Variants in CLEC16A observed in about 807,000 individuals in gnomAD.
CLEC16A encodes the protein C-type lectin domain containing 16A, also known as protein CLEC16A.
A neutral mutation model predicts 109.5 loss-of-function variants in CLEC16A; 51 were observed. The ratio of observed to expected loss-of-function variants is 0.47; its 90% CI spans 0.37 to 0.59. The LOEUF (loss-of-function observed/expected upper bound fraction) is 0.59. CLEC16A is among the 20% of genes least tolerant of loss of function. The pLI, the probability that CLEC16A is intolerant of heterozygous loss-of-function variation, is 0.00. For synonymous variants in CLEC16A, 673 were observed against 564.2 expected (o/e 1.19, Z -2.73); for missense variants, 1,339 against 1,394.0 (o/e 0.96, Z 0.63).
chr16:11,042,008 C>T (rs2047362682), intron 14 of CLEC16A: 4 of 477,774 alleles, frequency 8.4e-6, no homozygotes, highest in East Asian at 3.6e-5. Flanking sequence ...TTTTCCTGCA[C>T]CCTGTCAGTA....
rs751750056 is a variant in CLEC16A, at chr16:11,120,694, C to T, written c.2196C>T (p.Tyr732=). 6.2e-7 allele frequency: 1 copy of T among 1,611,342 alleles called. No individual in the cohort carries two copies. Among genetic ancestry groups the T allele is most frequent in the South Asian group, 1.1e-5 (1 of 90,290 alleles). Residue 732 remains tyrosine (Y), a synonymous_variant, in exon 20 of 24, where the codon TAC becomes TAT. Coordinates refer to ENST00000409790, the MANE Select transcript of CLEC16A (RefSeq NM_015226.3). ...AGCGATTCCTGGCTGTGGATATTTACCAGATGAGTTTGGTGGAGCCTGATG... is the reference window on the plus strand; with the variant it reads ...AGCGATTCCTGGCTGTGGATATTTATCAGATGAGTTTGGTGGAGCCTGATG... ...MVQRFLAVDI[Y]QMSLVEPDVS... is the part of the protein sequence containing the mutation.
intron 18 of CLEC16A, among the ~76,000 whole-genome samples, chr16:11,055,066 T>C (rs1258238424): frequency 6.6e-6 from 1 of 152,150 alleles, no homozygotes; most frequent in African/African-American, 2.4e-5. Flanking sequence ...TTCCTAAATA[T>C]TCATAGATTC....
At chr16:11,133,951 G>A (rs951805840) in intron 22 of CLEC16A, among the ~76,000 whole-genome samples, 1 of 152,068 alleles carries the variant, frequency 6.6e-6, no homozygotes, top group African/African-American at 2.4e-5. Flanking sequence ...CTACCCTCAG[G>A]CCTTTTATAA....
chr16:11,060,147 T>C (rs537167799), intron 18 of CLEC16A, among the ~76,000 whole-genome samples: 3 of 152,298 alleles, frequency 2.0e-5, no homozygotes, highest in East Asian at 3.9e-4. Flanking sequence ...CAGACACCAC[T>C]TCTATGGGCC....
chr16:10,953,428 G>A (rs2041831143), intron 1 of CLEC16A, among the ~76,000 whole-genome samples: 1 of 152,214 alleles, frequency 6.6e-6, no homozygotes, highest in Non-Finnish European at 1.5e-5. Context: ...TTTGTTAGAA[G>A]TAAAAAGCAT....
At chr16:10,966,748 C>A (rs568660165) in intron 3 of CLEC16A, among the ~76,000 whole-genome samples, 1 of 152,266 alleles carries the variant, frequency 6.6e-6, no homozygotes, top group African/African-American at 2.4e-5. Context: ...CATCACATCT[C>A]GTGAGAACTC....
intron 23 of CLEC16A, among the ~76,000 whole-genome samples, chr16:11,176,809 A>T (rs2141041155): frequency 6.6e-6 from 1 of 152,308 alleles, no homozygotes; most frequent in East Asian, 1.9e-4. Context: ...GTGGGGAGAA[A>T]TGCCGGTGTG....
chr16:11,126,180 T>A, intron 22 of CLEC16A, 34 bp downstream of exon 22: 1 of 1,613,106 alleles, frequency 6.2e-7, no homozygotes, highest in Non-Finnish European at 8.5e-7. Flanking sequence ...CCACAGCTCG[T>A]TCATCATGGT....
At chr16:11,108,634 T>A (rs770243501) in intron 19 of CLEC16A, among the ~76,000 whole-genome samples, 4 of 152,226 alleles carry the variant, frequency 2.6e-5, no homozygotes, top group Non-Finnish European at 4.4e-5. Flanking sequence ...CACATGGCCA[T>A]CTGGCTGCAT....
At chr16:10,999,233 G>C (rs2044513863) in intron 10 of CLEC16A, among the ~76,000 whole-genome samples, 1 of 152,090 alleles carries the variant, frequency 6.6e-6, no homozygotes, top group African/African-American at 2.4e-5. Context: ...TCCACACCCA[G>C]CTGAATGTTT....
intron 3 of CLEC16A, among the ~76,000 whole-genome samples, chr16:10,964,668 A>G (rs1346712249): frequency 6.6e-6 from 1 of 152,158 alleles, no homozygotes; most frequent in Admixed American, 6.5e-5. Context: ...GCACGGGGTG[A>G]CTGGATTGAG....
intron 22 of CLEC16A, among the ~76,000 whole-genome samples, chr16:11,156,917 GC>G (rs60216625): frequency 0.31 from 23,945 of 77,064 alleles, 1,982 homozygotes; most frequent in African/African-American, 0.4. Context: ...CCAAATGCCC[GC>G]CCCCCCCCCC....
At chr16:11,171,310 C>T (rs527364415) in intron 23 of CLEC16A, among the ~76,000 whole-genome samples, 43 of 152,332 alleles carry the variant, frequency 2.8e-4, no homozygotes, top group African/African-American at 5.3e-4. Flanking sequence ...CTCCTTCGCA[C>T]GCCAGAGGCA....
At chr16:11,008,868 G>C (rs557241227) in intron 11 of CLEC16A, among the ~76,000 whole-genome samples, 1 of 151,108 alleles carries the variant, frequency 6.6e-6, no homozygotes, top group South Asian at 2.1e-4. Flanking sequence ...GCGTGGTGGC[G>C]GGCACCTGTA....
intron 1 of CLEC16A, among the ~76,000 whole-genome samples, chr16:10,955,953 T>C (rs1483311348): frequency 6.6e-6 from 1 of 152,238 alleles, no homozygotes; most frequent in Non-Finnish European, 1.5e-5. Context: ...TGATGCAGGA[T>C]GCCTGGGAAC....
intron 13 of CLEC16A, among the ~76,000 whole-genome samples, chr16:11,038,704 C>A (rs1262495009): frequency 1.3e-5 from 2 of 152,062 alleles, no homozygotes; most frequent in Non-Finnish European, 2.9e-5. Flanking sequence ...AAAATGATTC[C>A]CTTGCCTCTT....
intron 12 of CLEC16A, among the ~76,000 whole-genome samples, 175 bp downstream of exon 12, chr16:11,020,500 T>C (rs2046034115): frequency 6.6e-6 from 1 of 152,220 alleles, no homozygotes; most frequent in East Asian, 1.9e-4. Context: ...GACGGAGCCA[T>C]CACTCAACAC....
rs2048941628 is a variant in CLEC16A at position 11,069,444 on chromosome 16, T to C, written c.2116+8422T>C. 6.1e-5 allele frequency among the ~76,000 whole-genome samples: 9 copies of C among 147,586 alleles called. No homozygotes were observed. The South Asian group carries it at 1.9e-3, about 32-fold the overall frequency. On this transcript the variant is annotated intron_variant, in intron 19 of 23. Transcript: ENST00000409790. ...GTGTCTGGCCTATTATTATTACTAT[T>C]TTTTTTTTTATACAAGGTCTCGCTC...
chr16:11,019,055 A>G (rs2045935572), intron 11 of CLEC16A, among the ~76,000 whole-genome samples: 1 of 152,230 alleles, frequency 6.6e-6, no homozygotes, highest in Admixed American at 6.5e-5. Context: ...AGACCATGGC[A>G]GAGGCGGTGT....
Sources: gnomAD v4.1 joint callset for allele counts (sites outside exome capture counted in the v4.1 genomes callset) on GRCh38, gnomAD v4.1.1 for gene constraint, MANE v1.5 for transcripts, NCBI Gene and HGNC (gene_info 2026-07-23, HGNC 2026-07-21) for gene names.